AP3B1: variants seen among roughly 807,000 people sequenced by gnomAD.
The protein encoded by AP3B1 is adaptor related protein complex 3 subunit beta 1.
AP3B1 carries 61 observed loss-of-function variants against 132.5 expected under a neutral mutation model. That is an observed-to-expected ratio of 0.46 (90% CI 0.37 to 0.57). The LOEUF (loss-of-function observed/expected upper bound fraction) is 0.57. AP3B1 is among the 20% of genes least tolerant of loss of function. AP3B1 has a pLI of 0.00. For synonymous variants in AP3B1, 388 were observed against 438.3 expected (o/e 0.89, Z 1.43); for missense variants, 1,120 against 1,289.4 (o/e 0.87, Z 2.01).
At chr5:78,125,268 T>C (rs577859098) in intron 17 of AP3B1, among the ~76,000 whole-genome samples, 41 of 152,222 alleles carry the variant, frequency 2.7e-4, no homozygotes, top group Admixed American at 5.2e-4. Flanking sequence ...ATATATTATA[T>C]CCTATATCCT....
intron 1 of AP3B1, among the ~76,000 whole-genome samples, chr5:78,283,244 G>A (rs1216189372): frequency 6.6e-6 from 1 of 152,122 alleles, no homozygotes; most frequent in Non-Finnish European, 1.5e-5. Flanking sequence ...TTAACTCTGT[G>A]CCACATTTTG....
intron 22 of AP3B1, among the ~76,000 whole-genome samples, chr5:78,050,284 T>G (rs1263987352): frequency 2.6e-5 from 4 of 152,306 alleles, no homozygotes; most frequent in South Asian, 4.1e-4. Flanking sequence ...AATATATAAT[T>G]TACTTTTTTG....
chr5:78,114,804 G>C (rs1388026293), intron 18 of AP3B1, among the ~76,000 whole-genome samples: 1 of 152,160 alleles, frequency 6.6e-6, no homozygotes, highest in Non-Finnish European at 1.5e-5. Flanking sequence ...AGGACTGCCT[G>C]TATTGTTTTA....
intron 12 of AP3B1, among the ~76,000 whole-genome samples, chr5:78,163,635 G>GTA (rs1246489937): frequency 6.3e-5 from 9 of 142,060 alleles, no homozygotes; most frequent in South Asian, 2.2e-4. Context: ...TATATATATA[G>GTA]TATACATATA....
chr5:78,006,393 C>T (rs1335651162), intron 26 of AP3B1, among the ~76,000 whole-genome samples: 1 of 152,110 alleles, frequency 6.6e-6, no homozygotes, highest in East Asian at 1.9e-4. Flanking sequence ...TATTATTGTT[C>T]CAAAAACATT....
chr5:78,093,724 C>G (rs1750638392), intron 21 of AP3B1, among the ~76,000 whole-genome samples: 1 of 152,210 alleles, frequency 6.6e-6, no homozygotes, highest in African/African-American at 2.4e-5. Context: ...AGCATCATCA[C>G]TAAACCCAGT....
chr5:78,207,784 T>C (rs774268437), intron 7 of AP3B1, among the ~76,000 whole-genome samples: 2 of 152,136 alleles, frequency 1.3e-5, no homozygotes, highest in Non-Finnish European at 2.9e-5. Context: ...GCAAAATTCA[T>C]TGCAGAAGAA....
intron 7 of AP3B1, among the ~76,000 whole-genome samples, chr5:78,183,720 T>C (rs1157069861): frequency 6.7e-6 from 1 of 150,294 alleles, no homozygotes; most frequent in African/African-American, 2.5e-5. Flanking sequence ...AATACAAAAT[T>C]AGCCTGGCTG....
intron 7 of AP3B1, among the ~76,000 whole-genome samples, chr5:78,185,905 A>G (rs967516766): frequency 6.6e-6 from 1 of 152,132 alleles, no homozygotes; most frequent in Non-Finnish European, 1.5e-5. Flanking sequence ...TAATTAATAA[A>G]AAAAGAGATA....
rs1289020959 is a variant in AP3B1 at position 78,129,145 on chromosome 5, G to A, written c.1813C>T (p.Pro605Ser). ...CCTTTAAAAGGAGACTCAAGCAGTG[G>A]TGCAGGCTTTTGTGCTAGGAATATT... ...KKIFLAQKPA[P>S]LLESPFKDRD... is the part of the protein sequence containing the mutation. Residue 605 changes from proline (P) to serine (S), a missense_variant, in exon 16 of 27, where the codon CCA becomes TCA. By Grantham distance (74) the Pro-to-Ser change is moderately conservative. Transcript: ENST00000255194. The A allele has an allele frequency of 6.2e-7, 1 of 1,613,088 alleles. No individual in the cohort carries two copies. Among genetic ancestry groups the A allele is most frequent in the Non-Finnish European group, 8.5e-7 (1 of 1,179,400 alleles).
intron 21 of AP3B1, among the ~76,000 whole-genome samples, chr5:78,089,886 T>A (rs938635874): frequency 6.6e-6 from 1 of 152,190 alleles, no homozygotes; most frequent in Admixed American, 6.5e-5. Flanking sequence ...GAATTAGAAG[T>A]CTTGAAAGAT....
intron 15 of AP3B1, among the ~76,000 whole-genome samples, chr5:78,134,438 A>C (rs531114585): frequency 6.6e-6 from 1 of 152,348 alleles, no homozygotes; most frequent in African/African-American, 2.4e-5. Context: ...AGGATGATAC[A>C]AACAAATATG....
At position 78,128,057 on chromosome 5, in the gene AP3B1, T is replaced by C; in HGVS notation, c.1941A>G (p.Ser647=). 6.2e-7 allele frequency: 1 copy of C among 1,613,356 alleles called. No homozygotes were observed. Among genetic ancestry groups the C allele is most frequent in the Non-Finnish European group, 8.5e-7 (1 of 1,179,368 alleles). ...SNWPEVAPDP[S]VRNVEVIELA... is the part of the protein sequence containing the mutation. ...ACTCTATTACTTCTACATTTCGAACTGATGGGTCGGGCGCCACCTCTGGCC... is the reference window on the plus strand; with the variant it reads ...ACTCTATTACTTCTACATTTCGAACCGATGGGTCGGGCGCCACCTCTGGCC... Residue 647 remains serine (S), a synonymous_variant, in exon 17 of 27, where the codon TCA becomes TCG. Transcript: ENST00000255194.
At chr5:78,005,737 A>T (rs1447216943) in intron 26 of AP3B1, among the ~76,000 whole-genome samples, 1 of 152,188 alleles carries the variant, frequency 6.6e-6, no homozygotes, top group Non-Finnish European at 1.5e-5. Flanking sequence ...TTCAGAAAGG[A>T]TATATTTAAT....
chr5:78,162,926 T>G lies in AP3B1; in HGVS notation c.1256A>C (p.Gln419Pro). 1 of 1,613,940 alleles carries G rather than the reference T, an allele frequency of 6.2e-7. No individual in the cohort carries two copies. The highest frequency in any genetic ancestry group is 8.5e-7 in the Non-Finnish European group (1 of 1,179,822). The part of the protein sequence containing the change: ...FQTYVKSQDK[Q>P]FAAATIQTIG... ...AGTCTGAATAGTGGCTGCTGCAAAT[T>G]GTTTATCCTGGCTTTTCACATAGGT... The change falls in exon 13 of 27, where the codon CAA becomes CCA. Residue 419 changes from glutamine to proline, a missense_variant. By Grantham distance (76) the Gln-to-Pro change is moderately conservative (BLOSUM62 -1). Coordinates refer to ENST00000255194, the MANE Select transcript of AP3B1 (RefSeq NM_003664.5).
At chr5:78,107,902 A>G (rs898785592) in intron 20 of AP3B1, among the ~76,000 whole-genome samples, 2 of 152,244 alleles carry the variant, frequency 1.3e-5, no homozygotes, top group Non-Finnish European at 2.9e-5. Context: ...TTATAGTTAC[A>G]TAGTGTGTTA....
chr5:78,004,264 T>C (rs995814587), intron 26 of AP3B1, among the ~76,000 whole-genome samples: 1 of 152,138 alleles, frequency 6.6e-6, no homozygotes, highest in Non-Finnish European at 1.5e-5. Context: ...TGCGGACTAT[T>C]CAAGAGCAAA....
At chr5:78,143,381 T>C (rs1483888482) in intron 14 of AP3B1, among the ~76,000 whole-genome samples, 2 of 152,170 alleles carry the variant, frequency 1.3e-5, no homozygotes, top group African/African-American at 4.8e-5. Flanking sequence ...AATCTCAAGA[T>C]GGTGGTGAGA....
At position 78,095,600 on chromosome 5, in the gene AP3B1, T is replaced by C. The variant is rs569388179; in HGVS notation, c.2470+5353A>G. Among the ~76,000 whole-genome samples the C allele has an allele frequency of 1.9e-4, 29 of 152,310 alleles. 1 individual carries two copies. The highest frequency in any genetic ancestry group is 3.3e-4 in the Admixed American group (5 of 15,302). The stretch of plus-strand genomic sequence containing the variant: ...TGAAAACCCTGAAGAGGGGTTTTCA[T>C]CTCCCTCTCTGTTTCTTCACTATAC... On this transcript the variant is annotated intron_variant, in intron 21 of 26. Coordinates refer to ENST00000255194, the MANE Select transcript of AP3B1 (RefSeq NM_003664.5).
Sources: allele counts gnomAD v4.1 joint callset (sites outside exome capture counted in the v4.1 genomes callset), GRCh38; gene constraint gnomAD v4.1.1; transcripts MANE v1.5; gene names NCBI Gene and HGNC (gene_info 2026-07-23, HGNC 2026-07-21).